Variants in CDADC1 observed in about 807,000 individuals in gnomAD.
The protein encoded by CDADC1 is dCTP deaminase.
CDADC1 carries 39 observed loss-of-function variants against 54.9 expected under a neutral mutation model. The ratio of observed to expected loss-of-function variants is 0.71; its 90% CI spans 0.55 to 0.93. The LOEUF is 0.93. CDADC1 is among the 40% of genes least tolerant of loss of function. The pLI is 0.00. For missense variants in CDADC1, 518 were observed against 618.8 expected, an observed-to-expected ratio of 0.84 and a Z score of 1.73; for synonymous variants, 186 against 204.0, an observed-to-expected ratio of 0.91 and a Z score of 0.75.
chr13:49,259,504 T>G lies in CDADC1; in HGVS notation c.411T>G (p.Cys137Trp). Residue 137 changes from cysteine (C) to tryptophan (W), a missense_variant, in exon 4 of 10, where the codon TGT (cysteine) becomes TGG (tryptophan). Physicochemically the swap from Cys to Trp is radical, Grantham distance 215. Transcript: ENST00000251108. ...LYFSRKPCSA[C>W]LKMIVNAGVN... Reference sequence around the variant, plus strand: ...TTTCCAGAAAACCATGTTCTGCTTGTTTGAAAATGATTGTAAATGGTAAGT... The same window carrying G: ...TTTCCAGAAAACCATGTTCTGCTTGGTTGAAAATGATTGTAAATGGTAAGT... 1 of 1,613,850 alleles carries G rather than the reference T, an allele frequency of 6.2e-7. No individual in the cohort carries two copies. Among genetic ancestry groups the G allele is most frequent in the East Asian group, 2.2e-5 (1 of 44,874 alleles).
intron 5 of CDADC1, among the ~76,000 whole-genome samples, chr13:49,268,508 A>C (rs1323802165): frequency 2.0e-5 from 3 of 152,082 alleles, no homozygotes; most frequent in African/African-American, 7.2e-5. Context: ...CAAAAAAATT[A>C]GCTGGGCATG....
intron 4 of CDADC1, among the ~76,000 whole-genome samples, chr13:49,266,335 A>G (rs991641431): frequency 3.3e-5 from 5 of 152,296 alleles, no homozygotes; most frequent in African/African-American, 1.2e-4. Flanking sequence ...CACATTTGTT[A>G]TCCTGTTATG....
At chr13:49,284,596 A>AT (rs956658467) in intron 8 of CDADC1, among the ~76,000 whole-genome samples, 4 of 151,924 alleles carry the variant, frequency 2.6e-5, no homozygotes, top group African/African-American at 4.8e-5. Flanking sequence ...AATTTTAAAC[A>AT]TTTTTTTGGT....
intron 9 of CDADC1, among the ~76,000 whole-genome samples, chr13:49,289,071 T>C (rs1953613197): frequency 6.7e-6 from 1 of 149,762 alleles, no homozygotes; most frequent in African/African-American, 2.5e-5. Context: ...AACTTATTAG[T>C]AGTCAGAGAA....
intron 8 of CDADC1, among the ~76,000 whole-genome samples, chr13:49,281,326 TGGCTTA>T (rs1018397078): frequency 1.3e-5 from 2 of 152,176 alleles, no homozygotes; most frequent in Non-Finnish European, 2.9e-5. Flanking sequence ...CTCTCCTTTC[TGGCTTA>T]GAGAGGTGGA....
chr13:49,282,802 T>C (rs1328087329), intron 8 of CDADC1, among the ~76,000 whole-genome samples: 1 of 152,236 alleles, frequency 6.6e-6, no homozygotes, highest in African/African-American at 2.4e-5. Flanking sequence ...GTGAACCCTA[T>C]TGTGAACTGC....
intron 2 of CDADC1, among the ~76,000 whole-genome samples, chr13:49,251,642 A>G (rs1166091848): frequency 6.6e-6 from 1 of 152,154 alleles, no homozygotes; most frequent in African/African-American, 2.4e-5. Context: ...TGGCCAACTA[A>G]TTGTTGAAGT....
intron 6 of CDADC1, among the ~76,000 whole-genome samples, chr13:49,276,496 T>C (rs1280246264): frequency 1.3e-5 from 2 of 152,198 alleles, no homozygotes; most frequent in Non-Finnish European, 2.9e-5. Flanking sequence ...TCTGACAATT[T>C]GCTTTGATGT....
intron 3 of CDADC1, among the ~76,000 whole-genome samples, chr13:49,258,352 A>G (rs1952598217): frequency 6.6e-6 from 1 of 152,248 alleles, no homozygotes; most frequent in Middle Eastern, 3.2e-3. Context: ...CCCAAGCCCA[A>G]GGATCAGGTT....
At chr13:49,251,390 GAAAAAAAAAGA>G (rs374101760) in intron 2 of CDADC1, among the ~76,000 whole-genome samples, 67 of 108,258 alleles carry the variant, frequency 6.2e-4, no homozygotes, top group South Asian at 1.9e-3. Context: ...CCTGGCGACA[GAAAAAAAAAGA>G]AAAAAAAAAG....
At chr13:49,267,467 A>T in intron 4 of CDADC1, 23 bp from the exon 5 acceptor site, 1 of 1,583,896 alleles carries the variant, frequency 6.3e-7, no homozygotes, top group Admixed American at 1.7e-5. Context: ...TCTCATAATT[A>T]CCTTTCGTAT....
chr13:49,267,729 A>T lies in CDADC1; in HGVS notation c.670A>T (p.Asn224Tyr), dbSNP rs760445411. Residue 224 changes from asparagine (N) to tyrosine (Y), a missense_variant, in exon 5 of 10, where the codon AAC (asparagine) becomes TAC (tyrosine). Transcript: ENST00000251108. ...QKITKTLPDA[N>Y]TDFYYECKQE... ...AATTACAAAAACATTGCCGGATGCT[A>T]ACACTGACTTTTATTATGAATGTAA... 6.6e-5 allele frequency: 106 copies of T among 1,611,582 alleles called. No individual in the cohort carries two copies. In the East Asian group the frequency reaches 2.2e-3, roughly 34 times the overall value.
At chr13:49,248,301 T>C in intron 1 of CDADC1, 182 bp downstream of exon 1, 1 of 573,814 alleles carries the variant, frequency 1.7e-6, no homozygotes, top group East Asian at 2.9e-5. Context: ...TCGGTCGCAC[T>C]GGCTTTTGAA....
intron 8 of CDADC1, among the ~76,000 whole-genome samples, chr13:49,283,286 T>C (rs183364977): frequency 6.6e-6 from 1 of 152,300 alleles, no homozygotes; most frequent in African/African-American, 2.4e-5. Context: ...TTTGTAATAT[T>C]GTCATTTTTT....
At chr13:49,268,490 G>A (rs573272615) in intron 5 of CDADC1, among the ~76,000 whole-genome samples, 8 of 152,004 alleles carry the variant, frequency 5.3e-5, no homozygotes, top group Admixed American at 1.3e-4. Flanking sequence ...GCAAGACCTC[G>A]ACTCTAACAA....
At position 49,248,349 on chromosome 13, in the gene CDADC1, A is replaced by C. The variant is rs928494455; in HGVS notation, c.82+230A>C. On this transcript the variant is annotated intron_variant, in intron 1 of 9. Transcript: ENST00000251108. Reference sequence around the variant, plus strand: ...ACCCCTGTTAGCTACTTCTCACAGGACCTAGAGCTGGGGCCTCTGAGGTCA... The same window carrying C: ...ACCCCTGTTAGCTACTTCTCACAGGCCCTAGAGCTGGGGCCTCTGAGGTCA... 6.1e-6 allele frequency: 3 copies of C among 494,264 alleles called. No homozygotes were observed. In the Admixed American group the frequency reaches 1.0e-4, roughly 17 times the overall value. 30.6% of individuals were successfully genotyped at this position (494,264 alleles called of 1,614,324 possible). A position where few individuals can be genotyped will look rare whatever the true frequency, so the allele number is the denominator to read the frequency against.
chr13:49,283,563 T>G (rs192659970), intron 8 of CDADC1, among the ~76,000 whole-genome samples: 226 of 152,304 alleles, frequency 1.5e-3, no homozygotes, highest in Admixed American at 2.8e-3. Flanking sequence ...AGTGATGGGT[T>G]ATGGAGAATT....
At chr13:49,256,031 T>G (rs1952538373) in intron 3 of CDADC1, 118 bp downstream of exon 3, 1 of 1,364,066 alleles carries the variant, frequency 7.3e-7, no homozygotes, top group Admixed American at 3.0e-5. Context: ...AATACTCTTC[T>G]AAAAATGGTC....
Position 49,287,482 on chromosome 13 carries a change from CT to C in CDADC1, c.1471+1201del, listed in dbSNP as rs1373429544. ...AAAAAGGCTGTATCTATCTATCTAT[CT>C]ATCTATCTATCTATCTATCTATCTA... On this transcript the variant is annotated intron_variant, in intron 9 of 9. Transcript: ENST00000251108. Among the ~76,000 whole-genome samples the C allele has an allele frequency of 3.6e-5, 5 of 140,814 alleles. No homozygotes were observed. The East Asian group carries it at 1.2e-3, about 33-fold the overall frequency. 92.4% of individuals were successfully genotyped at this position (140,814 alleles called of 152,430 possible).
Sources: gnomAD v4.1 joint callset for allele counts (sites outside exome capture counted in the v4.1 genomes callset) on GRCh38, gnomAD v4.1.1 for gene constraint, MANE v1.5 for transcripts, NCBI Gene and HGNC (gene_info 2026-07-23, HGNC 2026-07-21) for gene names.